UBQLN1: variants seen among roughly 807,000 people sequenced by gnomAD.
UBQLN1 encodes ubiquilin-1.
Under a neutral mutation model 65.4 loss-of-function variants are expected in UBQLN1, and 13 were observed. The ratio of observed to expected loss-of-function variants is 0.20; its 90% CI spans 0.13 to 0.32. The LOEUF is 0.32. Ranked by LOEUF, UBQLN1 falls within the 10% of genes least tolerant of loss-of-function variation. UBQLN1 has a pLI of 1.00. For missense variants in UBQLN1, 561 were observed against 724.0 expected (o/e 0.77, Z 2.58); for synonymous variants, 267 against 247.8 (o/e 1.08, Z -0.73).
At chr9:83,696,953 A>T (rs531406042) in intron 1 of UBQLN1, among the ~76,000 whole-genome samples, 4 of 152,242 alleles carry the variant, frequency 2.6e-5, no homozygotes, top group East Asian at 3.9e-4. Context: ...TAAACTTCTT[A>T]AAAAAAGATA....
chr9:83,678,270 C>T (rs931979739), intron 5 of UBQLN1, among the ~76,000 whole-genome samples, 171 bp downstream of exon 5: 1 of 152,190 alleles, frequency 6.6e-6, no homozygotes, highest in Admixed American at 6.5e-5. Flanking sequence ...ATCCACCCGC[C>T]TCGGCCTCCC....
chr9:83,704,571 A>AATCC (rs1832365753), intron 1 of UBQLN1, among the ~76,000 whole-genome samples: 1 of 152,116 alleles, frequency 6.6e-6, no homozygotes, highest in South Asian at 2.1e-4. Flanking sequence ...TCACACCTGT[A>AATCC]ATCCTAGCAC....
In UBQLN1 at chr9:83,678,476, T is replaced by A; in HGVS notation, c.835A>T (p.Ile279Phe). ...YNALRRMYTD[I>F]QEPMLSAAQE... ...GCAGCACTCAGCATTGGTTCCTGAATATCTGTGTACATGCGCCTTAAAGCA... is the reference window on the plus strand; with the variant it reads ...GCAGCACTCAGCATTGGTTCCTGAAAATCTGTGTACATGCGCCTTAAAGCA... The change falls in exon 5 of 11, where the codon ATT becomes TTT. Residue 279 changes from isoleucine (I) to phenylalanine (F), a missense_variant. By Grantham distance (21) the Ile-to-Phe change is conservative (BLOSUM62 0). Around this residue, in one of 8 missense-constraint regions of UBQLN1, gnomAD observed 75 missense variants for 138.9 expected, o/e 0.54. Transcript: ENST00000376395. 1.2e-6 allele frequency: 2 copies of A among 1,613,852 alleles called. No individual in the cohort carries two copies. Among genetic ancestry groups the A allele is most frequent in the Non-Finnish European group, 1.7e-6 (2 of 1,179,870 alleles).
chr9:83,699,120 T>G (rs1832269544), intron 1 of UBQLN1, among the ~76,000 whole-genome samples: 1 of 152,034 alleles, frequency 6.6e-6, no homozygotes, highest in African/African-American at 2.4e-5. Flanking sequence ...GGAGTTACTG[T>G]TTAAACGGTC....
At chr9:83,679,064 C>A (rs1831894706) in intron 4 of UBQLN1, among the ~76,000 whole-genome samples, 1 of 152,164 alleles carries the variant, frequency 6.6e-6, no homozygotes, top group Non-Finnish European at 1.5e-5. Flanking sequence ...TATGCCCCAG[C>A]AGACCACAAC....
At chr9:83,675,366 G>C (rs1230236832) in intron 6 of UBQLN1, among the ~76,000 whole-genome samples, 1 of 151,884 alleles carries the variant, frequency 6.6e-6, no homozygotes, top group African/African-American at 2.4e-5. Flanking sequence ...AAACTACAAA[G>C]CAAAGCAGCA....
chr9:83,679,811 A>G lies in UBQLN1; in HGVS notation c.675T>C (p.Ile225=). ...MQQLIQRNPE[I]SHMLNNPDIM... is the part of the protein sequence containing the mutation. ...TATCTGGATTATTCAACATATGACT[A>G]ATTTCTGGATTTCTCTGTATCAACT... The change falls in exon 4 of 11, where the codon ATT becomes ATC. Residue 225 remains isoleucine, a synonymous_variant. Coordinates refer to ENST00000376395, the MANE Select transcript of UBQLN1 (RefSeq NM_013438.5). 6.2e-7 allele frequency: 1 copy of G among 1,614,198 alleles called. No homozygotes were observed. The highest frequency in any genetic ancestry group is 1.1e-5 in the South Asian group (1 of 91,086).
chr9:83,698,488 C>G (rs1001185491), intron 1 of UBQLN1, among the ~76,000 whole-genome samples: 1 of 152,122 alleles, frequency 6.6e-6, no homozygotes, highest in African/African-American at 2.4e-5. Flanking sequence ...ATATTTTAGA[C>G]ATACTGGGTT....
At chr9:83,683,139 A>G in intron 2 of UBQLN1, 73 bp from the exon 3 acceptor site, 1 of 1,043,404 alleles carries the variant, frequency 9.6e-7, no homozygotes. Context: ...AAGGCCAGGC[A>G]CAGTGGCTCA....
chr9:83,707,532 A>T lies in UBQLN1; in HGVS notation c.148T>A (p.Phe50Ile). The T allele has an allele frequency of 2.5e-6, 4 of 1,611,532 alleles. No individual in the cohort carries two copies. Among genetic ancestry groups the T allele is most frequent in the East Asian group, 2.2e-5 (1 of 44,566 alleles). ...ACGGAGCTATTCTCGGGCACGGCGA[A>T]TTCCTCCTTTTCCTTCGGGGTCTTC... ...TVKTPKEKEE[F>I]AVPENSSVQQ... Residue 50 changes from phenylalanine (F) to isoleucine (I), a missense_variant, in exon 1 of 11, where the codon TTC (phenylalanine) becomes ATC (isoleucine). Physicochemically the swap from Phe to Ile is conservative, Grantham distance 21. Around this residue, in one of 8 missense-constraint regions of UBQLN1, gnomAD observed 101 missense variants for 104.9 expected, o/e 0.96. Transcript: ENST00000376395.
intron 1 of UBQLN1, among the ~76,000 whole-genome samples, chr9:83,687,879 C>T (rs1006180858): frequency 2.0e-5 from 3 of 152,190 alleles, no homozygotes; most frequent in African/African-American, 4.8e-5. Flanking sequence ...CAAAACTATA[C>T]TTCAGTAAAT....
chr9:83,668,093 A>C (rs1048464082), intron 7 of UBQLN1: 25 of 985,246 alleles, frequency 2.5e-5, no homozygotes, highest in Non-Finnish European at 2.8e-5. Context: ...ATTTAATACT[A>C]ACAACTCAGT....
At chr9:83,701,322 T>C (rs1832306121) in intron 1 of UBQLN1, among the ~76,000 whole-genome samples, 1 of 152,226 alleles carries the variant, frequency 6.6e-6, no homozygotes, top group Non-Finnish European at 1.5e-5. Flanking sequence ...AGTCTTGTAA[T>C]AGAAGACAGC....
In UBQLN1 at chr9:83,696,346, A is replaced by G. The variant is rs531541050; in HGVS notation, c.181-10191T>C. 1.5e-3 allele frequency among the ~76,000 whole-genome samples: 225 copies of G among 152,348 alleles called. 1 individual carries two copies. The highest frequency in any genetic ancestry group is 5.2e-3 in the African/African-American group (217 of 41,568). ...AGTAACTGTAATAATGCCATCAGACACTTAAGTTGACTAAGAATAAACACA... is the reference window on the plus strand; with the variant it reads ...AGTAACTGTAATAATGCCATCAGACGCTTAAGTTGACTAAGAATAAACACA... On this transcript the variant is annotated intron_variant, in intron 1 of 10. Transcript: ENST00000376395.
intron 7 of UBQLN1, chr9:83,667,747 C>T: frequency 1.0e-6 from 1 of 978,874 alleles, no homozygotes; most frequent in Non-Finnish European, 1.2e-6. Flanking sequence ...TTATAACTTA[C>T]CTGAGTGCTT....
chr9:83,681,333 CAG>C (rs1417834289), intron 3 of UBQLN1, among the ~76,000 whole-genome samples: 3 of 152,136 alleles, frequency 2.0e-5, no homozygotes, highest in Non-Finnish European at 4.4e-5. Flanking sequence ...TTATATATGC[CAG>C]AGACTGTGTT....
intron 6 of UBQLN1, among the ~76,000 whole-genome samples, chr9:83,673,059 G>A (rs561672937): frequency 5.3e-5 from 8 of 152,038 alleles, no homozygotes; most frequent in Non-Finnish European, 8.8e-5. Context: ...GCGAAACCCC[G>A]TCTCCACTAA....
chr9:83,666,555 T>C lies in UBQLN1; in HGVS notation c.1249-122A>G, dbSNP rs764691849. Reference sequence around the variant, plus strand: ...ACTTAAAAGGGAGGAAGGTAGAACATAAATAAAAAAAGGAAAAGGGAAGAT... The same window carrying C: ...ACTTAAAAGGGAGGAAGGTAGAACACAAATAAAAAAAGGAAAAGGGAAGAT... On this transcript the variant is annotated intron_variant, in intron 7 of 10. Coordinates refer to ENST00000376395, the MANE Select transcript of UBQLN1 (RefSeq NM_013438.5). 95 of 877,720 alleles carry C rather than the reference T, an allele frequency of 1.1e-4. No homozygotes were observed. In the Middle Eastern group the frequency reaches 1.4e-3, roughly 13 times the overall value. The allele number at this position is 877,720 out of a possible 1,614,324, so 54.4% of individuals were successfully genotyped here. A position where few individuals can be genotyped will look rare whatever the true frequency, so the allele number is the denominator to read the frequency against.
Position 83,680,012 on chromosome 9 carries a change from C to T in UBQLN1, c.474G>A (p.Leu158=), listed in dbSNP as rs759683659. 10 of 1,613,600 alleles carry T rather than the reference C, an allele frequency of 6.2e-6. No individual in the cohort carries two copies. The African/African-American group carries it at 1.1e-4, about 17-fold the overall frequency. Residue 158 remains leucine, a synonymous_variant, in exon 4 of 11, where the codon CTG becomes CTA. Transcript: ENST00000376395. ...GLGGLGGLAG[L]SSLGLNTTNF... is the part of the protein sequence containing the mutation. ...TGGTAGTATTCAAACCCAAGCTACT[C>T]AGACCTGCAAGTCCCCCAAGGCCAC...
Sources: gnomAD v4.1 joint callset for allele counts (sites outside exome capture counted in the v4.1 genomes callset) on GRCh38, gnomAD v4.1.1 for gene constraint, gnomAD v4.1.1 regional missense constraint, MANE v1.5 for transcripts, NCBI Gene and HGNC (gene_info 2026-07-23, HGNC 2026-07-21) for gene names.